Variants in UNC5D observed in about 807,000 individuals in gnomAD.
The protein encoded by UNC5D is netrin receptor UNC5D.
In UNC5D, 39 loss-of-function variants were observed where a neutral mutation model predicts 105.4. The ratio of observed to expected loss-of-function variants is 0.37; its 90% CI spans 0.29 to 0.48. The LOEUF is 0.48. UNC5D is among the 20% of genes least tolerant of loss of function. The pLI is 0.98. For synonymous variants in UNC5D, 452 were observed against 450.4 expected (o/e 1.00, Z -0.04); for missense variants, 991 against 1,202.4 (o/e 0.82, Z 2.60).
At chr8:35,353,505 C>A (rs1812391463) in intron 1 of UNC5D, among the ~76,000 whole-genome samples, 1 of 152,054 alleles carries the variant, frequency 6.6e-6, no homozygotes, top group African/African-American at 2.4e-5. Context: ...AAACTATGAA[C>A]CCACATATTC....
intron 1 of UNC5D, among the ~76,000 whole-genome samples, chr8:35,389,907 TC>T (rs1803665850): frequency 6.6e-6 from 1 of 152,206 alleles, no homozygotes; most frequent in Non-Finnish European, 1.5e-5. Context: ...CACCTGTTAA[TC>T]CCACCTGTTA....
At position 35,726,197 on chromosome 8, in the gene UNC5D, T is replaced by C. The variant is rs999063693; in HGVS notation, c.1349T>C (p.Val450Ala). 2 of 1,613,706 alleles carry C rather than the reference T, an allele frequency of 1.2e-6. No individual in the cohort carries two copies. The highest frequency in any genetic ancestry group is 1.7e-6 in the Non-Finnish European group (2 of 1,179,686). Residue 450 changes from valine (V) to alanine (A), a missense_variant, in exon 10 of 17, where the codon GTG (valine) becomes GCG (alanine). This residue lies in a region of UNC5D where 944 missense variants were observed against 1,131.6 expected (regional missense o/e 0.83). Coordinates refer to ENST00000404895, the MANE Select transcript of UNC5D (RefSeq NM_080872.4). Reference sequence around the variant, plus strand: ...TCTGCCATGCAGCCAGATCTGACAGTGAGCCGGACATACAGCGGACCCATC... The same window carrying C: ...TCTGCCATGCAGCCAGATCTGACAGCGAGCCGGACATACAGCGGACCCATC... ...LNSAMQPDLTVSRTYSGPICL... is the reference protein window; with the variant it reads ...LNSAMQPDLTASRTYSGPICL...
intron 1 of UNC5D, among the ~76,000 whole-genome samples, chr8:35,388,221 A>C (rs1357900775): frequency 6.6e-6 from 1 of 151,988 alleles, no homozygotes; most frequent in East Asian, 1.9e-4. Context: ...AAAATTAGCC[A>C]GGCATGGTGG....
chr8:35,629,851 G>T (rs183995693), intron 4 of UNC5D, among the ~76,000 whole-genome samples: 1 of 152,112 alleles, frequency 6.6e-6, no homozygotes, highest in South Asian at 2.1e-4. Flanking sequence ...ACCCCAGGTC[G>T]TAAAAGTATT....
intron 3 of UNC5D, among the ~76,000 whole-genome samples, chr8:35,593,220 G>T (rs552193916): frequency 9.9e-4 from 151 of 152,226 alleles, no homozygotes; most frequent in African/African-American, 3.5e-3. Context: ...CTTAGTTAAT[G>T]TAGTGGTGTG....
At chr8:35,787,056 T>C (rs997320612) in intron 16 of UNC5D, among the ~76,000 whole-genome samples, 3 of 152,194 alleles carry the variant, frequency 2.0e-5, no homozygotes, top group African/African-American at 7.2e-5. Flanking sequence ...CTGTCTGTTT[T>C]TGCAATACCA....
chr8:35,410,009 G>GCATCACCCAGC (rs6150551), intron 1 of UNC5D, among the ~76,000 whole-genome samples: 77,385 of 150,350 alleles, frequency 0.51, 20,353 homozygotes, highest in East Asian at 0.7. Flanking sequence ...AATTTCCTTC[G>GCATCACCCAGC]CATGGCCTCC....
intron 16 of UNC5D, among the ~76,000 whole-genome samples, chr8:35,786,519 A>G (rs1000850739): frequency 6.6e-6 from 1 of 152,132 alleles, no homozygotes; most frequent in Non-Finnish European, 1.5e-5. Flanking sequence ...CAATATTTTT[A>G]ATATTGTGTT....
At chr8:35,658,270 G>T (rs1823894046) in intron 4 of UNC5D, among the ~76,000 whole-genome samples, 1 of 152,172 alleles carries the variant, frequency 6.6e-6, no homozygotes. Context: ...AGTATATTGT[G>T]TCAGCAAATA....
intron 1 of UNC5D, among the ~76,000 whole-genome samples, chr8:35,527,545 T>C (rs556090160): frequency 2.9e-4 from 44 of 152,186 alleles, no homozygotes; most frequent in African/African-American, 9.6e-4. Context: ...CTGTTTCTCC[T>C]GTTTTCTTTT....
chr8:35,540,459 G>GTT (rs893263465), intron 1 of UNC5D, among the ~76,000 whole-genome samples: 1 of 151,714 alleles, frequency 6.6e-6, no homozygotes, highest in African/African-American at 2.4e-5. Flanking sequence ...GTGTGTGTGT[G>GTT]TGTGTGTGTG....
At chr8:35,688,955 C>G (rs1238568430) in intron 7 of UNC5D, among the ~76,000 whole-genome samples, 1 of 152,212 alleles carries the variant, frequency 6.6e-6, no homozygotes, top group Non-Finnish European at 1.5e-5. Flanking sequence ...TACATCTGGT[C>G]AATTTTATGT....
At chr8:35,301,433 C>T (rs564088345) in intron 1 of UNC5D, among the ~76,000 whole-genome samples, 7 of 152,284 alleles carry the variant, frequency 4.6e-5, no homozygotes, top group African/African-American at 1.7e-4. Context: ...AATCAGGCAG[C>T]ACTCAAAACC....
intron 1 of UNC5D, among the ~76,000 whole-genome samples, chr8:35,324,487 T>C (rs995162248): frequency 6.6e-6 from 1 of 152,142 alleles, no homozygotes; most frequent in African/African-American, 2.4e-5. Context: ...TAAAAGCATT[T>C]CATAAATTGC....
At chr8:35,281,729 C>A (rs928209902) in intron 1 of UNC5D, among the ~76,000 whole-genome samples, 2 of 152,200 alleles carry the variant, frequency 1.3e-5, no homozygotes, top group Non-Finnish European at 2.9e-5. Flanking sequence ...TCTAGGACAG[C>A]CCCATTGCAC....
intron 1 of UNC5D, among the ~76,000 whole-genome samples, chr8:35,236,513 T>C (rs887477486): frequency 4.3e-5 from 6 of 139,562 alleles, no homozygotes; most frequent in Non-Finnish European, 7.9e-5. Context: ...GATGAGCACT[T>C]GGCCCGAGGC....
chr8:35,783,011 T>G (rs896985330), intron 16 of UNC5D, among the ~76,000 whole-genome samples: 13 of 152,088 alleles, frequency 8.5e-5, no homozygotes, highest in African/African-American at 2.9e-4. Context: ...GGCATGGTGA[T>G]GCTCACCTGT....
intron 10 of UNC5D, 103 bp from the exon 11 acceptor site, chr8:35,730,909 G>A: frequency 2.1e-6 from 2 of 953,716 alleles, no homozygotes; most frequent in Non-Finnish European, 3.2e-6. Context: ...AAATTGCCAT[G>A]AGAAAGTAGC....
chr8:35,678,013 G>A (rs1229934409), intron 4 of UNC5D, among the ~76,000 whole-genome samples: 1 of 151,638 alleles, frequency 6.6e-6, no homozygotes, highest in African/African-American at 2.4e-5. Context: ...CACACACCTA[G>A]GACACCTTAT....
Sources: allele counts gnomAD v4.1 joint callset (sites outside exome capture counted in the v4.1 genomes callset), GRCh38; gene constraint gnomAD v4.1.1; regional missense constraint gnomAD v4.1.1; transcripts MANE v1.5; gene names NCBI Gene and HGNC (gene_info 2026-07-23, HGNC 2026-07-21).